The following KIAA0513 variants were observed in gnomAD, a reference collection of about 807,000 sequenced individuals.
KIAA0513 encodes uncharacterized protein KIAA0513.
Under a neutral mutation model 56.5 loss-of-function variants are expected in KIAA0513, and 39 were observed. That is an observed-to-expected ratio of 0.69 (90% CI 0.53 to 0.90). The LOEUF (loss-of-function observed/expected upper bound fraction) is 0.90. KIAA0513 is among the 40% of genes least tolerant of loss of function. KIAA0513 has a pLI of 0.00. For missense variants in KIAA0513, 591 were observed against 535.2 expected (o/e 1.10, Z -1.03); for synonymous variants, 268 against 215.6 (o/e 1.24, Z -2.13).
At chr16:85,054,092 G>A (rs1465589226) in intron 1 of KIAA0513, among the ~76,000 whole-genome samples, 1 of 151,754 alleles carries the variant, frequency 6.6e-6, no homozygotes, top group Admixed American at 6.6e-5. Context: ...CCCAGGAGGT[G>A]GAGGTTGCAG....
intron 1 of KIAA0513, among the ~76,000 whole-genome samples, chr16:85,039,100 A>G (rs770635508): frequency 2.6e-5 from 4 of 152,214 alleles, no homozygotes; most frequent in African/African-American, 9.6e-5. Flanking sequence ...TGCACTGTAG[A>G]TGCTCAATAA....
At chr16:85,032,043 A>G (rs2072972281) in intron 1 of KIAA0513, among the ~76,000 whole-genome samples, 1 of 152,176 alleles carries the variant, frequency 6.6e-6, no homozygotes, top group South Asian at 2.1e-4. Context: ...ACCGAAATTT[A>G]TTCTCACAGT....
At chr16:85,036,546 G>T (rs1478186004) in intron 1 of KIAA0513, among the ~76,000 whole-genome samples, 1 of 152,142 alleles carries the variant, frequency 6.6e-6, no homozygotes. Context: ...GGGAAAGAGT[G>T]CCGGTGCCTT....
At position 85,050,865 on chromosome 16, in the gene KIAA0513, G is replaced by A. The variant is rs2073243703; in HGVS notation, c.-172-16035G>A. Among the ~76,000 whole-genome samples the A allele has an allele frequency of 3.3e-5, 5 of 152,302 alleles. No homozygotes were observed. The South Asian group carries it at 8.3e-4, about 25-fold the overall frequency. Reference sequence around the variant, plus strand: ...TGCCCTTCACAGGCGTTTACAAATGGACCCAGTGGGCCAGGTGCACTGGTT... The same window carrying A: ...TGCCCTTCACAGGCGTTTACAAATGAACCCAGTGGGCCAGGTGCACTGGTT... On this transcript the variant is annotated intron_variant, in intron 1 of 12. Transcript: ENST00000683363.
rs535765504 is a variant in KIAA0513 at position 85,084,763 on chromosome 16, A to G, written c.1011-1881A>G. ...TATTTTTAGTAGAGACAGAGTTGCCATGTTGGCCAGGCTGGTCTTGAACTC... is the reference window on the plus strand; with the variant it reads ...TATTTTTAGTAGAGACAGAGTTGCCGTGTTGGCCAGGCTGGTCTTGAACTC... On this transcript the variant is annotated intron_variant, in intron 10 of 12. Transcript: ENST00000683363. Among the ~76,000 whole-genome samples, 5 of 150,676 alleles carry G rather than the reference A, an allele frequency of 3.3e-5. No individual in the cohort carries two copies. The East Asian group carries it at 9.7e-4, about 29-fold the overall frequency.
chr16:85,036,023 T>C (rs2073031917), intron 1 of KIAA0513, among the ~76,000 whole-genome samples: 1 of 150,236 alleles, frequency 6.7e-6, no homozygotes, highest in African/African-American at 2.4e-5. Flanking sequence ...CTATGTTGCC[T>C]GAGCTGGTCT....
intron 1 of KIAA0513, among the ~76,000 whole-genome samples, chr16:85,044,695 C>T (rs905640759): frequency 1.3e-5 from 2 of 151,622 alleles, no homozygotes; most frequent in South Asian, 2.1e-4. Context: ...TTAGTAGAGA[C>T]GGGGGTTTCA....
At chr16:85,071,476 C>T (rs540140762) in intron 2 of KIAA0513, among the ~76,000 whole-genome samples, 2 of 152,328 alleles carry the variant, frequency 1.3e-5, no homozygotes, top group African/African-American at 4.8e-5. Flanking sequence ...CAGACCTCCC[C>T]AGGCAGGGGT....
At chr16:85,046,279 T>G (rs2073170205) in intron 1 of KIAA0513, among the ~76,000 whole-genome samples, 1 of 152,178 alleles carries the variant, frequency 6.6e-6, no homozygotes, top group Non-Finnish European at 1.5e-5. Context: ...CCCTGTACAG[T>G]TTAAAAACAA....
At chr16:85,074,359 CACACAT>C (rs2073625914) in intron 4 of KIAA0513, among the ~76,000 whole-genome samples, 1 of 141,872 alleles carries the variant, frequency 7.0e-6, no homozygotes, top group Non-Finnish European at 1.6e-5. Flanking sequence ...CACACACACA[CACACAT>C]ATATATTTAG....
At chr16:85,079,735 A>C (rs373018209) in intron 8 of KIAA0513, 8 of 152,368 alleles carry the variant, frequency 5.3e-5, no homozygotes, top group Admixed American at 1.3e-4. Context: ...AACTCTGTGA[A>C]TACACTAAAA....
intron 4 of KIAA0513, among the ~76,000 whole-genome samples, chr16:85,073,350 C>G (rs1468977045): frequency 6.6e-6 from 1 of 152,242 alleles, no homozygotes; most frequent in Non-Finnish European, 1.5e-5. Context: ...GTACTTCAAA[C>G]TCAACCACCC....
At chr16:85,079,097 G>A in intron 8 of KIAA0513, 94 bp downstream of exon 8, 1 of 1,593,204 alleles carries the variant, frequency 6.3e-7, no homozygotes, top group Non-Finnish European at 8.6e-7. Context: ...GTCCCCATCA[G>A]AATGGCAGAA....
At chr16:85,078,521 G>C (rs555366669) in intron 7 of KIAA0513, 66 bp downstream of exon 7, 1 of 1,508,092 alleles carries the variant, frequency 6.6e-7, no homozygotes, top group Non-Finnish European at 9.1e-7. Flanking sequence ...ACACAAGCAG[G>C]TGCACGGCCT....
At chr16:85,056,894 A>T (rs937406862) in intron 1 of KIAA0513, among the ~76,000 whole-genome samples, 2 of 151,978 alleles carry the variant, frequency 1.3e-5, no homozygotes, top group African/African-American at 2.4e-5. Context: ...TTGTAGAGAC[A>T]AGGTCTCTCT....
intron 1 of KIAA0513, among the ~76,000 whole-genome samples, chr16:85,042,356 C>T (rs533427860): frequency 2.0e-5 from 3 of 152,172 alleles, no homozygotes; most frequent in South Asian, 4.2e-4. Context: ...TGGTGTTGGT[C>T]GAGGGAGTAT....
rs1444928444 is a variant in KIAA0513 at position 85,067,150 on chromosome 16, C to G, written c.79C>G (p.Pro27Ala). Residue 27 changes from proline to alanine, a missense_variant, in exon 2 of 13, where the codon CCA becomes GCA. Pro to Ala is a conservative substitution (Grantham distance 27). Coordinates refer to ENST00000683363, the MANE Select transcript of KIAA0513 (RefSeq NM_001388359.1). ...EAPTSSPLEA[P>A]PPVLQDGDGS... ...ACCCACCTCTTCTCCCCTGGAGGCA[C>G]CACCCCCTGTGCTGCAGGACGGCGA... 1.2e-6 allele frequency: 2 copies of G among 1,613,882 alleles called. No homozygotes were observed. Among genetic ancestry groups the G allele is most frequent in the Admixed American group, 1.7e-5 (1 of 59,996 alleles).
At chr16:85,077,294 C>G (rs2073669661) in intron 5 of KIAA0513, 131 bp from the exon 6 acceptor site, 3 of 811,106 alleles carry the variant, frequency 3.7e-6, no homozygotes, top group Admixed American at 5.7e-5. Flanking sequence ...CACCCCCTGT[C>G]CTCGGCTGAG....
intron 10 of KIAA0513, 22 bp from the exon 11 acceptor site, chr16:85,086,622 C>G: frequency 6.2e-7 from 1 of 1,611,088 alleles, no homozygotes; most frequent in South Asian, 1.1e-5. Flanking sequence ...AGCCCCGCTT[C>G]TGTCACCTCC....
Sources: allele counts gnomAD v4.1 joint callset (sites outside exome capture counted in the v4.1 genomes callset), GRCh38; gene constraint gnomAD v4.1.1; transcripts MANE v1.5; gene names NCBI Gene and HGNC (gene_info 2026-07-23, HGNC 2026-07-21).